The following MYLK variants were observed in gnomAD, a reference collection of about 807,000 sequenced individuals.
MYLK encodes the protein myosin light chain kinase, smooth muscle.
MYLK carries 106 observed loss-of-function variants against 203.4 expected under a neutral mutation model. The ratio of observed to expected loss-of-function variants is 0.52; its 90% confidence interval spans 0.45 to 0.61. The LOEUF (loss-of-function observed/expected upper bound fraction) is 0.61. Ranked by LOEUF, MYLK falls within the 20% of genes least tolerant of loss-of-function variation. MYLK has a pLI of 0.00. For missense variants in MYLK, 2,072 were observed against 2,442.3 expected, an observed-to-expected ratio of 0.85 and a Z score of 3.20; for synonymous variants, 867 against 959.5, an observed-to-expected ratio of 0.90 and a Z score of 1.78.
At chr3:123,727,597 G>A (rs995159763) in intron 11 of MYLK, among the ~76,000 whole-genome samples, 7 of 152,136 alleles carry the variant, frequency 4.6e-5, no homozygotes, top group African/African-American at 1.4e-4. Context: ...GTGAGTGTTA[G>A]CTGTTATTAT....
At chr3:123,694,508 G>C (rs2060825309) in intron 18 of MYLK, among the ~76,000 whole-genome samples, 1 of 152,186 alleles carries the variant, frequency 6.6e-6, no homozygotes, top group Non-Finnish European at 1.5e-5. Context: ...GGGGCTCAGA[G>C]GCTTAGCAGA....
intron 5 of MYLK, among the ~76,000 whole-genome samples, chr3:123,743,862 T>C (rs746808278): frequency 2.3e-4 from 35 of 152,162 alleles, no homozygotes; most frequent in Non-Finnish European, 7.4e-5. Flanking sequence ...CTTCTAAAAA[T>C]GTGCGGTGAT....
At chr3:123,752,046 A>G (rs1241489318) in intron 5 of MYLK, among the ~76,000 whole-genome samples, 4 of 151,968 alleles carry the variant, frequency 2.6e-5, no homozygotes, top group Non-Finnish European at 5.9e-5. Flanking sequence ...CTGTAAGACC[A>G]TCCTAAGGAG....
At chr3:123,635,834 C>T (rs1304837753) in intron 29 of MYLK, among the ~76,000 whole-genome samples, 3 of 152,150 alleles carry the variant, frequency 2.0e-5, no homozygotes, top group Non-Finnish European at 2.9e-5. Flanking sequence ...CTGGAACCCA[C>T]TCAAAAGCCT....
At chr3:123,666,686 C>T (rs189732626) in intron 21 of MYLK, among the ~76,000 whole-genome samples, 2 of 152,302 alleles carry the variant, frequency 1.3e-5, no homozygotes, top group Non-Finnish European at 2.9e-5. Flanking sequence ...CTTCTAAACT[C>T]CAGGTCACCC....
At chr3:123,855,812 C>A (rs1183448758) in intron 2 of MYLK, among the ~76,000 whole-genome samples, 1 of 152,002 alleles carries the variant, frequency 6.6e-6, no homozygotes, top group East Asian at 1.9e-4. Context: ...GCAAATAGAC[C>A]CCGATCCTGC....
intron 3 of MYLK, among the ~76,000 whole-genome samples, chr3:123,824,150 C>T (rs549585443): frequency 3.3e-5 from 5 of 150,956 alleles, no homozygotes; most frequent in South Asian, 2.1e-4. Flanking sequence ...AGTGCAATGG[C>T]GCGATCTCAG....
chr3:123,709,288 CG>C (rs2061595072), intron 14 of MYLK: 1 of 234,650 alleles, frequency 4.3e-6, no homozygotes, highest in Non-Finnish European at 8.5e-6. Flanking sequence ...CTACAGGCAC[CG>C]GCCACCACAC....
intron 4 of MYLK, among the ~76,000 whole-genome samples, chr3:123,764,987 T>G (rs754101179): frequency 1.3e-5 from 2 of 152,176 alleles, no homozygotes; most frequent in Non-Finnish European, 2.9e-5. Context: ...CTTTCTGTCC[T>G]CATAGGTTTA....
At chr3:123,667,535 T>C (rs993164470) in intron 20 of MYLK, among the ~76,000 whole-genome samples, 1 of 150,238 alleles carries the variant, frequency 6.7e-6, no homozygotes, top group African/African-American at 2.5e-5. Flanking sequence ...ACCTGGGAGG[T>C]GGAGGCTGCA....
intron 27 of MYLK, among the ~76,000 whole-genome samples, chr3:123,643,930 T>G (rs1430227480): frequency 6.6e-6 from 1 of 152,234 alleles, no homozygotes; most frequent in Non-Finnish European, 1.5e-5. Context: ...TCTTCAATGC[T>G]CAGGGTCCCA....
chr3:123,731,646 T>C (rs2062479572), intron 11 of MYLK, among the ~76,000 whole-genome samples: 3 of 152,166 alleles, frequency 2.0e-5, no homozygotes. Context: ...CTCTCAACTT[T>C]CATTTATATC....
chr3:123,703,657 G>T (rs960041531), intron 16 of MYLK, among the ~76,000 whole-genome samples: 1 of 151,162 alleles, frequency 6.6e-6, no homozygotes, highest in Admixed American at 6.6e-5. Flanking sequence ...AAAGGCTTAT[G>T]GACTTTGGGT....
chr3:123,655,844 T>C lies in MYLK; in HGVS notation c.4288+1282A>G, dbSNP rs576768797. On this transcript the variant is annotated intron_variant, in intron 24 of 33. Transcript: ENST00000360304. Reference sequence around the variant, plus strand: ...ATTGGATGAAATGATGCATATAAAGTGATTAACACATCGTAAGCTTAGAGT... The same window carrying C: ...ATTGGATGAAATGATGCATATAAAGCGATTAACACATCGTAAGCTTAGAGT... 1.4e-4 allele frequency among the ~76,000 whole-genome samples: 21 copies of C among 152,354 alleles called. No homozygotes were observed. In the South Asian group the frequency reaches 4.1e-3, roughly 30 times the overall value.
Position 123,733,916 on chromosome 3 carries a change from G to C in MYLK, c.1080C>G (p.Gly360=). ...CTCCAGAAGGTGATAGGACCCCCAG[G>C]CCTGGTGCTCTTGGTTCCGGCTGAA... ...ARVQPEPRAP[G]LGVLSPSGEE... The change falls in exon 10 of 34, where the codon GGC becomes GGG. Residue 360 remains glycine (G), a synonymous_variant. Transcript: ENST00000360304. 1.2e-6 allele frequency: 2 copies of C among 1,614,198 alleles called. No homozygotes were observed. Among genetic ancestry groups the C allele is most frequent in the Non-Finnish European group, 1.7e-6 (2 of 1,180,044 alleles).
intron 3 of MYLK, among the ~76,000 whole-genome samples, chr3:123,800,510 G>A (rs1441864281): frequency 6.6e-6 from 1 of 152,088 alleles, no homozygotes; most frequent in African/African-American, 2.4e-5. Flanking sequence ...CACTGATGAG[G>A]CCCAGACTCC....
chr3:123,728,445 T>A (rs2062366517), intron 11 of MYLK, among the ~76,000 whole-genome samples: 1 of 152,202 alleles, frequency 6.6e-6, no homozygotes, highest in African/African-American at 2.4e-5. Context: ...AGTTTGAGGC[T>A]GTAGCAAGCT....
intron 2 of MYLK, among the ~76,000 whole-genome samples, chr3:123,862,587 A>AG: frequency 6.6e-6 from 1 of 152,122 alleles, no homozygotes; most frequent in Non-Finnish European, 1.5e-5. Context: ...ACCTCTACTT[A>AG]ATCTATTTAT....
rs143485527 is a variant in MYLK, at chr3:123,671,997, C to T, written c.3653-4810G>A. On this transcript the variant is annotated intron_variant, in intron 20 of 33. Transcript: ENST00000360304. ...GGAGGCCATCTGTTCAGAGGAGCTACGTGGAGGGCTGTTGTCATGGGCTGA... is the reference window on the plus strand; with the variant it reads ...GGAGGCCATCTGTTCAGAGGAGCTATGTGGAGGGCTGTTGTCATGGGCTGA... Among the ~76,000 whole-genome samples the T allele has an allele frequency of 4.1e-3, 627 of 152,076 alleles. 4 individuals are homozygous for T. The highest frequency in any genetic ancestry group is 6.2e-3 in the Non-Finnish European group (421 of 67,944).
Sources: allele counts gnomAD v4.1 joint callset (sites outside exome capture counted in the v4.1 genomes callset), GRCh38; gene constraint gnomAD v4.1.1; transcripts MANE v1.5; gene names NCBI Gene and HGNC (gene_info 2026-07-23, HGNC 2026-07-21).